The following PCSK2 variants were observed in gnomAD, a reference collection of about 807,000 sequenced individuals.
The protein encoded by PCSK2 is proprotein convertase subtilisin/kexin type 2, also known as neuroendocrine convertase 2.
PCSK2 carries 14 observed loss-of-function variants against 69.7 expected under a neutral mutation model. The observed-to-expected ratio is 0.20, with a 90% CI of 0.13 to 0.31. The LOEUF is 0.31. Ranked by LOEUF, PCSK2 falls within the 10% of genes least tolerant of loss-of-function variation. The probability of loss-of-function intolerance (pLI) is 1.00; values close to 1 mark genes in which losing one functional copy is unlikely to be tolerated. For synonymous variants in PCSK2, 307 were observed against 320.7 expected (o/e 0.96, Z 0.46); for missense variants, 544 against 842.5 (o/e 0.65, Z 4.39).
chr20:17,380,577 A>G (rs1311077615), intron 5 of PCSK2, among the ~76,000 whole-genome samples: 1 of 152,146 alleles, frequency 6.6e-6, no homozygotes, highest in African/African-American at 2.4e-5. Flanking sequence ...CTTACCGGTG[A>G]TTGTGATAAT....
chr20:17,368,940 C>T (rs1028468819), intron 4 of PCSK2, among the ~76,000 whole-genome samples: 1 of 152,216 alleles, frequency 6.6e-6, no homozygotes, highest in Admixed American at 6.5e-5. Flanking sequence ...CCAGTTGATG[C>T]TTTAAAAATG....
intron 2 of PCSK2, among the ~76,000 whole-genome samples, chr20:17,299,847 T>C (rs1989017767): frequency 3.3e-5 from 5 of 151,736 alleles, no homozygotes; most frequent in Admixed American, 3.3e-4. Context: ...AGGTCTATTT[T>C]CATAACTTTG....
Position 17,337,639 on chromosome 20 carries a change from T to C in PCSK2, c.283-20688T>C, listed in dbSNP as rs537580004. The stretch of plus-strand genomic sequence containing the variant: ...AATAAATAATAATCATTTAAAAGCA[T>C]TGGGAGAGGTGTGCAGTGACTCAGG... On this transcript the variant is annotated intron_variant, in intron 2 of 11. Transcript: ENST00000262545. 5.3e-5 allele frequency among the ~76,000 whole-genome samples: 8 copies of C among 152,160 alleles called. No homozygotes were observed. In the South Asian group the frequency reaches 1.5e-3, roughly 28 times the overall value.
At chr20:17,233,850 G>A (rs941261776) in intron 1 of PCSK2, among the ~76,000 whole-genome samples, 4 of 152,140 alleles carry the variant, frequency 2.6e-5, no homozygotes, top group Non-Finnish European at 5.9e-5. Flanking sequence ...AATGCAAGCA[G>A]AAGTCATGTG....
At chr20:17,443,563 T>C (rs550310981) in intron 8 of PCSK2, among the ~76,000 whole-genome samples, 1 of 152,256 alleles carries the variant, frequency 6.6e-6, no homozygotes, top group East Asian at 1.9e-4. Context: ...GGATTTTCAC[T>C]GAGAGGCACT....
chr20:17,260,098 G>A lies in PCSK2; in HGVS notation c.178-142G>A, dbSNP rs181622333. ...CATTGATAGGGAAATAGAGGACCAG[G>A]ACTGACAGGAGGTTTGCCAGTGGTT... On this transcript the variant is annotated intron_variant, in intron 1 of 11. Transcript: ENST00000262545. 4.5e-5 allele frequency: 30 copies of A among 662,426 alleles called. No individual in the cohort carries two copies. The East Asian group carries it at 6.0e-4, about 13-fold the overall frequency. The allele number at this position is 662,426 out of a possible 1,614,324, so 41.0% of individuals were successfully genotyped here.
intron 2 of PCSK2, among the ~76,000 whole-genome samples, chr20:17,314,409 ATTC>A (rs1246963944): frequency 4.6e-5 from 7 of 152,184 alleles, no homozygotes; most frequent in Admixed American, 2.0e-4. Flanking sequence ...AGGAAGTGAA[ATTC>A]TTCTGCTCCA....
At chr20:17,323,864 G>T (rs1322056487) in intron 2 of PCSK2, among the ~76,000 whole-genome samples, 1 of 152,202 alleles carries the variant, frequency 6.6e-6, no homozygotes, top group Non-Finnish European at 1.5e-5. Context: ...ATTTCTGGGA[G>T]CAGAGATTCT....
At chr20:17,397,017 T>G (rs1174494834) in intron 5 of PCSK2, among the ~76,000 whole-genome samples, 1 of 152,176 alleles carries the variant, frequency 6.6e-6, no homozygotes, top group East Asian at 1.9e-4. Context: ...TCAGGTCAAA[T>G]TTGGACAATG....
upstream of PCSK2, chr20:17,226,122 T>C (rs1163171494): frequency 3.3e-5 from 5 of 152,340 alleles, no homozygotes; most frequent in East Asian, 9.7e-4. Flanking sequence ...GCACCCTCGC[T>C]GTCCTTGTGC....
At chr20:17,310,013 T>A (rs1348560516) in intron 2 of PCSK2, among the ~76,000 whole-genome samples, 3 of 151,928 alleles carry the variant, frequency 2.0e-5, no homozygotes, top group African/African-American at 4.8e-5. Flanking sequence ...CGGGGAGGCC[T>A]CTGGAAGCTT....
intron 2 of PCSK2, among the ~76,000 whole-genome samples, chr20:17,264,168 T>C (rs542611235): frequency 1.3e-5 from 2 of 152,314 alleles, no homozygotes; most frequent in African/African-American, 4.8e-5. Context: ...TGAAATATAT[T>C]TTAAAAACAT....
At chr20:17,360,169 C>A (rs922729134) in intron 3 of PCSK2, among the ~76,000 whole-genome samples, 12 of 152,214 alleles carry the variant, frequency 7.9e-5, no homozygotes, top group African/African-American at 2.6e-4. Flanking sequence ...GAGGTAGAAA[C>A]AAAGAGCTAT....
intron 2 of PCSK2, among the ~76,000 whole-genome samples, chr20:17,290,160 G>C (rs570749207): frequency 6.6e-6 from 1 of 152,268 alleles, no homozygotes; most frequent in African/African-American, 2.4e-5. Flanking sequence ...ATCATTTATA[G>C]TTTTCTTTGG....
chr20:17,336,079 T>C (rs1990343141), intron 2 of PCSK2, among the ~76,000 whole-genome samples: 1 of 152,160 alleles, frequency 6.6e-6, no homozygotes, highest in Non-Finnish European at 1.5e-5. Context: ...GAGAAGAATA[T>C]CAAAGAACTT....
chr20:17,270,114 C>T (rs536810072), intron 2 of PCSK2, among the ~76,000 whole-genome samples: 149 of 152,126 alleles, frequency 9.8e-4, no homozygotes, highest in African/African-American at 3.5e-3. Flanking sequence ...CAGTTATAAT[C>T]GTATGTCTAT....
chr20:17,480,184 C>CTTTTTTTTTTT (rs1164266992), intron 11 of PCSK2, among the ~76,000 whole-genome samples: 13 of 76,984 alleles, frequency 1.7e-4, no homozygotes, highest in Non-Finnish European at 2.6e-4. Context: ...TTCAGCTTTT[C>CTTTTTTTTTTT]TTTTTTTTTT....
At chr20:17,234,763 C>T (rs954723365) in intron 1 of PCSK2, among the ~76,000 whole-genome samples, 6 of 152,104 alleles carry the variant, frequency 3.9e-5, no homozygotes, top group African/African-American at 1.4e-4. Context: ...GATAGTGATG[C>T]TATAGTTAGG....
intron 1 of PCSK2, among the ~76,000 whole-genome samples, chr20:17,251,705 C>G (rs1281914962): frequency 6.6e-6 from 1 of 152,082 alleles, no homozygotes. Context: ...ACAAACCAAC[C>G]CAAAATTTGG....
Sources: allele counts gnomAD v4.1 joint callset (sites outside exome capture counted in the v4.1 genomes callset), GRCh38; gene constraint gnomAD v4.1.1; transcripts MANE v1.5; gene names NCBI Gene and HGNC (gene_info 2026-07-23, HGNC 2026-07-21).